CCL11: variants seen among roughly 807,000 people sequenced by gnomAD.
The protein encoded by CCL11 is eotaxin.
In CCL11, 7 loss-of-function variants were observed where a neutral mutation model predicts 7.3. The observed-to-expected ratio is 0.96, with a 90% CI of 0.55 to 1.81. The LOEUF is 1.81. Ranked by LOEUF, CCL11 falls within the 40% of genes most tolerant of loss-of-function variation. The probability of loss-of-function intolerance (pLI) is 0.00; values close to 1 mark genes in which losing one functional copy is unlikely to be tolerated. For synonymous variants in CCL11, 66 were observed against 45.2 expected (o/e 1.46, Z -1.84); for missense variants, 132 against 114.2 (o/e 1.16, Z -0.71).
Position 34,285,831 on chromosome 17 carries a change from T to C in CCL11, c.23T>C (p.Leu8Pro), listed in dbSNP as rs769349409. The C allele has an allele frequency of 1.2e-6, 2 of 1,613,164 alleles. No individual in the cohort carries two copies. The highest frequency in any genetic ancestry group is 1.1e-5 in the South Asian group (1 of 90,940). MKVSAAL[L>P]WLLLIAAAFS... is the part of the protein sequence containing the mutation. ...AACATGAAGGTCTCCGCAGCACTTC[T>C]GTGGCTGCTGCTCATAGCAGCTGCC... The change falls in exon 1 of 3, where the codon CTG (leucine) becomes CCG (proline). Residue 8 changes from leucine (L) to proline (P), a missense_variant. Physicochemically the swap from Leu to Pro is moderately conservative, Grantham distance 98. Transcript: ENST00000305869.
Position 34,287,050 on chromosome 17 carries a change from T to A in CCL11, c.77-46T>A, listed in dbSNP as rs200955262. On this transcript the variant is annotated intron_variant, in intron 1 of 2. Transcript: ENST00000305869. ...GCTTGGAAATGTCTATGTATCATCATGTGGCTCATTTTTTTCTCTGTTCAT... is the reference window on the plus strand; with the variant it reads ...GCTTGGAAATGTCTATGTATCATCAAGTGGCTCATTTTTTTCTCTGTTCAT... 1.9e-5 allele frequency: 24 copies of A among 1,270,192 alleles called. No individual in the cohort carries two copies. In the African/African-American group the frequency reaches 2.3e-4, roughly 12 times the overall value. 78.7% of individuals were successfully genotyped at this position (1,270,192 alleles called of 1,614,324 possible). A position where few individuals can be genotyped will look rare whatever the true frequency, so the allele number is the denominator to read the frequency against.
intron 1 of CCL11, among the ~76,000 whole-genome samples, chr17:34,286,461 G>A (rs951282035): frequency 1.3e-5 from 2 of 152,194 alleles, no homozygotes; most frequent in African/African-American, 4.8e-5. Context: ...TGACTTAACA[G>A]AATTAACTAA....
intron 1 of CCL11, among the ~76,000 whole-genome samples, chr17:34,286,711 C>T (rs1250378188): frequency 6.6e-6 from 1 of 152,240 alleles, no homozygotes; most frequent in Non-Finnish European, 1.5e-5. Context: ...TAATTAATGC[C>T]TCCAACCAAA....
intron 1 of CCL11, 52 bp downstream of exon 1, chr17:34,285,936 A>C (rs2142211325): frequency 8.1e-7 from 1 of 1,238,872 alleles, no homozygotes; most frequent in South Asian, 1.3e-5. Flanking sequence ...CTCCAGAGCT[A>C]CTAGGTCAGC....
At chr17:34,287,532 T>C (rs1190477269) in intron 2 of CCL11, 53 bp from the exon 3 acceptor site, 1 of 1,298,452 alleles carries the variant, frequency 7.7e-7, no homozygotes, top group East Asian at 2.3e-5. Flanking sequence ...TAGGGTCAAA[T>C]GGGCAGAATT....
chr17:34,286,247 A>T (rs190846187), intron 1 of CCL11, among the ~76,000 whole-genome samples: 16 of 152,330 alleles, frequency 1.1e-4, no homozygotes. Context: ...CGACTCCAGG[A>T]CAGCTTTCAG....
At position 34,286,589 on chromosome 17, in the gene CCL11, T is replaced by C. The variant is rs553349363; in HGVS notation, c.77-507T>C. Among the ~76,000 whole-genome samples, 13 of 152,358 alleles carry C rather than the reference T, an allele frequency of 8.5e-5. No individual in the cohort carries two copies. The South Asian group carries it at 1.9e-3, about 22-fold the overall frequency. On this transcript the variant is annotated intron_variant, in intron 1 of 2. Coordinates refer to ENST00000305869, the MANE Select transcript of CCL11 (RefSeq NM_002986.3). ...AGAAGTTGCCCATGTGGGGGAACAT[T>C]GATGGATACTGTGATAAAGCAGAAG... is the stretch of plus-strand genomic sequence containing the variant.
Position 34,287,218 on chromosome 17 carries a change from A to G in CCL11, c.188+11A>G. 6.3e-7 allele frequency: 1 copy of G among 1,582,470 alleles called. No homozygotes were observed. The highest frequency in any genetic ancestry group is 8.7e-7 in the Non-Finnish European group (1 of 1,151,132). On this transcript the variant is annotated intron_variant, in intron 2 of 2. Transcript: ENST00000305869. ...CCAGAAAGCTGTGATGTAAGTAAATAAAGTTCACCCTCCCCTAGACAAAAA... is the reference window on the plus strand; with the variant it reads ...CCAGAAAGCTGTGATGTAAGTAAATGAAGTTCACCCTCCCCTAGACAAAAA...
chr17:34,287,442 G>T, intron 2 of CCL11, 143 bp from the exon 3 acceptor site: 1 of 666,714 alleles, frequency 1.5e-6, no homozygotes, highest in Non-Finnish European at 2.7e-6. Flanking sequence ...GCCTTTAAGA[G>T]CAGCAACTAA....
rs1002938109 is a variant in CCL11, at chr17:34,287,960, C to T, written c.*270C>T. The T allele has an allele frequency of 8.5e-5, 15 of 176,490 alleles. No homozygotes were observed. The highest frequency in any genetic ancestry group is 2.4e-4 in the African/African-American group (10 of 42,362). 10.9% of individuals were successfully genotyped at this position (176,490 alleles called of 1,614,324 possible). A position where few individuals can be genotyped will look rare whatever the true frequency, so the allele number is the denominator to read the frequency against. ...GGAGCCCCAATTCGATCCCCTGTCACGTGTGGGCAATGTTCCCCCTCTCCT... is the reference window on the plus strand; with the variant it reads ...GGAGCCCCAATTCGATCCCCTGTCATGTGTGGGCAATGTTCCCCCTCTCCT... On this transcript the variant is annotated 3_prime_UTR_variant, in exon 3 of 3. Coordinates refer to ENST00000305869, the MANE Select transcript of CCL11 (RefSeq NM_002986.3).
At position 34,288,262 on chromosome 17, in the gene CCL11, G is replaced by A. The variant is rs1396276893; in HGVS notation, c.*572G>A. 6.6e-6 allele frequency: 1 copy of A among 152,332 alleles called. No individual in the cohort carries two copies. Among genetic ancestry groups the A allele is most frequent in the Non-Finnish European group, 1.5e-5 (1 of 68,120 alleles). 9.4% of individuals were successfully genotyped at this position (152,332 alleles called of 1,614,324 possible). A position where few individuals can be genotyped will look rare whatever the true frequency, so the allele number is the denominator to read the frequency against. ...GGGAAATGAGTTTTTGGCTTAGCTG[G>A]TCTTCATTGAAATGCAGGGTGAAAC... On this transcript the variant is annotated 3_prime_UTR_variant, in exon 3 of 3. Coordinates refer to ENST00000305869, the MANE Select transcript of CCL11 (RefSeq NM_002986.3).
chr17:34,286,003 T>G (rs954404226), intron 1 of CCL11, 119 bp downstream of exon 1: 5 of 685,660 alleles, frequency 7.3e-6, no homozygotes, highest in African/African-American at 3.6e-5. Flanking sequence ...GAAACAGGTT[T>G]TGTGGGTGGA....
intron 2 of CCL11, 72 bp downstream of exon 2, chr17:34,287,279 A>G (rs777556986): frequency 2.4e-5 from 27 of 1,107,820 alleles, no homozygotes; most frequent in Non-Finnish European, 3.6e-5. Context: ...GAACTGTGTC[A>G]CAGTTGCTGG....
rs1403300028 is a variant in CCL11 at position 34,288,064 on chromosome 17, G to A, written c.*374G>A. 1 of 153,308 alleles carries A rather than the reference G, an allele frequency of 6.5e-6. No individual in the cohort carries two copies. Among genetic ancestry groups the A allele is most frequent in the East Asian group, 1.9e-4 (1 of 5,404 alleles). The allele number at this position is 153,308 out of a possible 1,614,324, so 9.5% of individuals were successfully genotyped here. Reference sequence around the variant, plus strand: ...ATGTCATTGTTCTTGTGAACCCAAAGTGTGACTCATTAAATGGAAGTAAAT... The same window carrying A: ...ATGTCATTGTTCTTGTGAACCCAAAATGTGACTCATTAAATGGAAGTAAAT... On this transcript the variant is annotated 3_prime_UTR_variant, in exon 3 of 3. Coordinates refer to ENST00000305869, the MANE Select transcript of CCL11 (RefSeq NM_002986.3).
rs979082222 is a variant in CCL11 at position 34,287,822 on chromosome 17, T to A, written c.*132T>A. 1.7e-4 allele frequency: 52 copies of A among 306,502 alleles called. No homozygotes were observed. Among genetic ancestry groups the A allele is most frequent in the East Asian group, 8.0e-4 (15 of 18,814 alleles). 19.0% of individuals were successfully genotyped at this position (306,502 alleles called of 1,614,324 possible). A position where few individuals can be genotyped will look rare whatever the true frequency, so the allele number is the denominator to read the frequency against. On this transcript the variant is annotated 3_prime_UTR_variant, in exon 3 of 3. Transcript: ENST00000305869. ...GGTTTTATTATATATATATATTTTT[T>A]TTTTTAAAAAAAAAACGTATTGCAT...
chr17:34,287,391 T>C (rs1017424617), intron 2 of CCL11, among the ~76,000 whole-genome samples, 184 bp downstream of exon 2: 1 of 152,154 alleles, frequency 6.6e-6, no homozygotes, highest in African/African-American at 2.4e-5. Flanking sequence ...GCTGTAGTCA[T>C]ATCAATTTCT....
rs200955262 is a variant in CCL11 at position 34,287,050 on chromosome 17, T to C, written c.77-46T>C. On this transcript the variant is annotated intron_variant, in intron 1 of 2. Transcript: ENST00000305869. ...GCTTGGAAATGTCTATGTATCATCA[T>C]GTGGCTCATTTTTTTCTCTGTTCAT... is the stretch of plus-strand genomic sequence containing the variant. 2.5e-5 allele frequency: 32 copies of C among 1,270,192 alleles called. No homozygotes were observed. In the African/African-American group the frequency reaches 3.5e-4, roughly 14 times the overall value. 78.7% of individuals were successfully genotyped at this position (1,270,192 alleles called of 1,614,324 possible).
chr17:34,287,315 C>A, intron 2 of CCL11, 108 bp downstream of exon 2: 2 of 773,730 alleles, frequency 2.6e-6, no homozygotes, highest in Non-Finnish European at 4.4e-6. Flanking sequence ...ATAGTTTGAC[C>A]TCTATGGTCC....
At chr17:34,287,322 G>C (rs1446921196) in intron 2 of CCL11, 115 bp downstream of exon 2, 3 of 741,960 alleles carry the variant, frequency 4.0e-6, no homozygotes, top group Non-Finnish European at 6.9e-6. Flanking sequence ...GACCTCTATG[G>C]TCCAATTCAT....
Sources: gnomAD v4.1 joint callset for allele counts (sites outside exome capture counted in the v4.1 genomes callset) on GRCh38, gnomAD v4.1.1 for gene constraint, MANE v1.5 for transcripts, NCBI Gene and HGNC (gene_info 2026-07-23, HGNC 2026-07-21) for gene names.